Variants in COL12A1 observed in about 807,000 individuals in gnomAD.
The protein encoded by COL12A1 is collagen alpha-1(XII) chain.
Under a neutral mutation model 349.7 loss-of-function variants are expected in COL12A1, and 114 were observed. The observed-to-expected ratio is 0.33, with a 90% CI of 0.28 to 0.38. The LOEUF is 0.38. Ranked by LOEUF, COL12A1 falls within the 10% of genes least tolerant of loss-of-function variation. The pLI, the probability that COL12A1 is intolerant of heterozygous loss-of-function variation, is 1.00. For missense variants in COL12A1, 3,284 were observed against 3,756.9 expected (o/e 0.87, Z 3.29); for synonymous variants, 1,369 against 1,329.0 (o/e 1.03, Z -0.66).
In COL12A1 at chr6:75,165,597, G is replaced by A. The variant is rs771868336; in HGVS notation, c.2893C>T (p.Leu965=). The A allele has an allele frequency of 4.3e-6, 7 of 1,613,988 alleles. No individual in the cohort carries two copies. The highest frequency in any genetic ancestry group is 5.9e-6 in the Non-Finnish European group (7 of 1,179,930). ...ATTCTGTATTTGGTCTCTGGCTGCA[G>A]ATTTTCTATCATCGTATGAATTGCA... ...EDAIHTMIEN[L]QPETKYRISV... is the part of the protein sequence containing the mutation. The change falls in exon 14 of 66, where the codon CTG becomes TTG. Residue 965 remains leucine (L), a synonymous_variant. Transcript: ENST00000322507.
chr6:75,178,210 TAATA>T (rs749206837), intron 11 of COL12A1, among the ~76,000 whole-genome samples: 19 of 152,324 alleles, frequency 1.2e-4, no homozygotes, highest in Non-Finnish European at 1.8e-4. Context: ...ACTTTTAAAA[TAATA>T]AATATTCTAT....
chr6:75,121,462 G>T, intron 43 of COL12A1, 21 bp from the exon 44 acceptor site: 2 of 1,517,108 alleles, frequency 1.3e-6, no homozygotes, highest in Admixed American at 3.8e-5. Context: ...AGAAAGCAGA[G>T]GAAGCCCCAA....
intron 14 of COL12A1, among the ~76,000 whole-genome samples, chr6:75,161,497 A>G (rs976722547): frequency 2.0e-5 from 3 of 152,150 alleles, no homozygotes; most frequent in African/African-American, 7.2e-5. Context: ...TGAACATTTC[A>G]TTCCTGCCAC....
intron 38 of COL12A1, among the ~76,000 whole-genome samples, chr6:75,127,171 G>C (rs1391277325): frequency 1.3e-5 from 2 of 152,052 alleles, no homozygotes; most frequent in Non-Finnish European, 2.9e-5. Context: ...CACTTTGATA[G>C]CATGAAATTC....
At chr6:75,177,582 T>C (rs1769028542) in intron 12 of COL12A1, 81 bp downstream of exon 12, 1 of 1,542,692 alleles carries the variant, frequency 6.5e-7, no homozygotes, top group Non-Finnish European at 8.9e-7. Context: ...CTCATTAGTT[T>C]TTTATCTGGA....
intron 51 of COL12A1, among the ~76,000 whole-genome samples, chr6:75,112,202 C>A (rs566771455): frequency 6.6e-6 from 1 of 151,732 alleles, no homozygotes; most frequent in East Asian, 1.9e-4. Context: ...ACACACACTG[C>A]GGCCTATCAG....
At chr6:75,109,336 G>A (rs1051794021) in intron 51 of COL12A1, among the ~76,000 whole-genome samples, 169 bp from the exon 52 acceptor site, 12 of 152,020 alleles carry the variant, frequency 7.9e-5, no homozygotes, top group Non-Finnish European at 1.5e-4. Flanking sequence ...GAAATCATTT[G>A]CTAATAATAT....
intron 37 of COL12A1, 38 bp from the exon 38 acceptor site, chr6:75,128,463 A>G (rs2149380141): frequency 6.7e-7 from 1 of 1,490,084 alleles, no homozygotes; most frequent in Non-Finnish European, 8.9e-7. Flanking sequence ...ATTACCATCT[A>G]GAAGACTTCC....
At chr6:75,195,082 T>C (rs1160910956) in intron 2 of COL12A1, 135 bp from the exon 3 acceptor site, 6 of 538,420 alleles carry the variant, frequency 1.1e-5, no homozygotes, top group Non-Finnish European at 1.9e-5. Context: ...ATATAAAAGA[T>C]ATGTTGTTGG....
chr6:75,122,121 G>C (rs1167677696), intron 43 of COL12A1, among the ~76,000 whole-genome samples: 1 of 152,116 alleles, frequency 6.6e-6, no homozygotes, highest in Non-Finnish European at 1.5e-5. Flanking sequence ...GATTACAGGC[G>C]TGAGCCACCG....
chr6:75,152,389 C>T lies in COL12A1; in HGVS notation c.3659G>A (p.Ser1220Asn), dbSNP rs1389433314. The T allele has an allele frequency of 1.9e-6, 3 of 1,613,576 alleles. No homozygotes were observed. Among genetic ancestry groups the T allele is most frequent in the African/African-American group, 1.3e-5 (1 of 74,888 alleles). ...GACTTCCACAATACGAGAAATGAAA[C>T]TCCTCACGGTTCTAAAATTTGCCCG... ...IGRANFRTVR[S>N]FISRIVEVFD... is the part of the protein sequence containing the mutation. The change falls in exon 18 of 66, where the codon AGT (serine) becomes AAT (asparagine). Residue 1220 changes from serine to asparagine, a missense_variant. Physicochemically the swap from Ser to Asn is conservative, Grantham distance 46. Transcript: ENST00000322507.
rs140029478 is a variant in COL12A1, at chr6:75,136,509, T to C, written c.5394+928A>G. Among the ~76,000 whole-genome samples the C allele has an allele frequency of 2.0e-3, 305 of 152,286 alleles. 4 individuals carry two copies. The highest frequency in any genetic ancestry group is 4.7e-3 in the Admixed American group (72 of 15,290). On this transcript the variant is annotated intron_variant, in intron 31 of 65. Transcript: ENST00000322507. ...CTTAGATTAATGCCAACCCCTACCT[T>C]GGCTAATACCTCTAAACTGATAAGA...
Position 75,125,152 on chromosome 6 carries a change from G to A in COL12A1, c.6582C>T (p.Val2194=). ...ATGTAGTGCCTTGATCTGTCAAGGG[G>A]ACACTGAGTCCAGAATCATATTGAG... The part of the protein sequence containing the change: ...VYAQYDSGLS[V]PLTDQGTTLY... Residue 2194 remains valine (V), a synonymous_variant, in exon 40 of 66, where the codon GTC becomes GTT. Coordinates refer to ENST00000322507, the MANE Select transcript of COL12A1 (RefSeq NM_004370.6). 6.2e-7 allele frequency: 1 copy of A among 1,611,298 alleles called. No individual in the cohort carries two copies. The highest frequency in any genetic ancestry group is 2.2e-5 in the East Asian group (1 of 44,748).
chr6:75,151,767 G>C, intron 20 of COL12A1, 100 bp downstream of exon 20: 1 of 1,207,156 alleles, frequency 8.3e-7, no homozygotes, highest in Non-Finnish European at 1.1e-6. Flanking sequence ...AGAAAAAAAT[G>C]GGTATTTTTT....
chr6:75,170,880 T>A (rs1768594791), intron 13 of COL12A1, among the ~76,000 whole-genome samples: 1 of 152,232 alleles, frequency 6.6e-6, no homozygotes, highest in East Asian at 1.9e-4. Context: ...ATACACTTGG[T>A]TTGATCTGTA....
rs750653152 is a variant in COL12A1 at position 75,105,247 on chromosome 6, T to C, written c.8224A>G (p.Thr2742Ala). 5.0e-6 allele frequency: 8 copies of C among 1,613,898 alleles called. No homozygotes were observed. In the South Asian group the frequency reaches 7.7e-5, roughly 16 times the overall value. Residue 2742 changes from threonine to alanine, a missense_variant, in exon 54 of 66, where the codon ACA (threonine) becomes GCA (alanine). By Grantham distance (58) the Thr-to-Ala change is moderately conservative (BLOSUM62 0). Coordinates refer to ENST00000322507, the MANE Select transcript of COL12A1 (RefSeq NM_004370.6). The stretch of plus-strand genomic sequence containing the variant: ...CCTGGAGGTCCAACGCTGTCCTGTG[T>C]ACATGTGCAAGAATTTGGAAAAGCA... The part of the protein sequence containing the change: ...CPAFPNSCTC[T>A]QDSVGPPGPP...
rs572888430 is a variant in COL12A1 at position 75,091,930 on chromosome 6, C to A, written c.8650-405G>T. Among the ~76,000 whole-genome samples the A allele has an allele frequency of 2.4e-4, 36 of 152,304 alleles. No individual in the cohort carries two copies. In the South Asian group the frequency reaches 3.1e-3, roughly 13 times the overall value. The stretch of plus-strand genomic sequence containing the variant: ...GTTATCTGAGCTGCTTATTGTGGAA[C>A]GTCCATGAGATTAGTCTCCATTCAG... On this transcript the variant is annotated intron_variant, in intron 60 of 65. Coordinates refer to ENST00000322507, the MANE Select transcript of COL12A1 (RefSeq NM_004370.6).
At chr6:75,179,470 A>G (rs1769149183) in intron 11 of COL12A1, among the ~76,000 whole-genome samples, 2 of 152,080 alleles carry the variant, frequency 1.3e-5, no homozygotes, top group African/African-American at 2.4e-5. Context: ...ACCACAAGTC[A>G]TAAGATGAAA....
chr6:75,086,970 A>C (rs1767528992), intron 65 of COL12A1, among the ~76,000 whole-genome samples: 1 of 152,166 alleles, frequency 6.6e-6, no homozygotes, highest in African/African-American at 2.4e-5. Flanking sequence ...CAGCATGACT[A>C]TCTTATTTCC....
Sources: allele counts gnomAD v4.1 joint callset (sites outside exome capture counted in the v4.1 genomes callset), GRCh38; gene constraint gnomAD v4.1.1; transcripts MANE v1.5; gene names NCBI Gene and HGNC (gene_info 2026-07-23, HGNC 2026-07-21).